BACH2: variants seen among roughly 807,000 people sequenced by gnomAD.
The protein encoded by BACH2 is transcription regulator protein BACH2.
Under a neutral mutation model 61.8 loss-of-function variants are expected in BACH2, and 5 were observed. The ratio of observed to expected loss-of-function variants is 0.08; its 90% CI spans 0.04 to 0.17. The LOEUF (loss-of-function observed/expected upper bound fraction) is 0.17. Among genes scored for constraint, BACH2 ranks in the 10% least tolerant of loss-of-function variants. BACH2 has a pLI of 1.00. For synonymous variants in BACH2, 446 were observed against 440.1 expected (o/e 1.01, Z -0.17); for missense variants, 824 against 1,091.1 (o/e 0.76, Z 3.45).
chr6:90,104,278 G>C (rs1782802495), intron 4 of BACH2: 1 of 152,282 alleles, frequency 6.6e-6, no homozygotes, highest in South Asian at 2.1e-4. Context: ...CAGGAACAAA[G>C]CTTGAAGGAG....
At chr6:90,229,319 G>C (rs912690191) in intron 3 of BACH2, among the ~76,000 whole-genome samples, 3 of 152,146 alleles carry the variant, frequency 2.0e-5, no homozygotes, top group African/African-American at 7.2e-5. Context: ...AATTAGCCGG[G>C]TGCAGTGGCC....
intron 7 of BACH2, among the ~76,000 whole-genome samples, chr6:89,941,895 A>G (rs1391582556): frequency 6.6e-6 from 1 of 152,228 alleles, no homozygotes; most frequent in Non-Finnish European, 1.5e-5. Context: ...AGTGAATATA[A>G]AACACTAGGG....
chr6:89,974,537 C>T (rs1158995941), intron 6 of BACH2, among the ~76,000 whole-genome samples: 1 of 152,138 alleles, frequency 6.6e-6, no homozygotes, highest in Non-Finnish European at 1.5e-5. Context: ...GAAAAAACGC[C>T]CTGATGTCCT....
intron 1 of BACH2, among the ~76,000 whole-genome samples, chr6:90,289,657 CA>C (rs1012976592): frequency 1.3e-5 from 2 of 151,760 alleles, no homozygotes; most frequent in Non-Finnish European, 2.9e-5. Context: ...AGAAAAATAG[CA>C]AAAAACAAAA....
At chr6:90,253,879 A>G (rs140851685) in intron 2 of BACH2, among the ~76,000 whole-genome samples, 2 of 148,968 alleles carry the variant, frequency 1.3e-5, no homozygotes, top group African/African-American at 4.8e-5. Flanking sequence ...ATAAATGAAA[A>G]CATCATTGCC....
Position 89,950,135 on chromosome 6 carries a change from G to A in BACH2, c.1836+135C>T. ...CTTCAGCATCCTGCCTCTGTGGATG[G>A]GGAAGGCAGTCTCTCTACTGTCATC... is the stretch of plus-strand genomic sequence containing the variant. On this transcript the variant is annotated intron_variant, in intron 7 of 8. Coordinates refer to ENST00000257749, the MANE Select transcript of BACH2 (RefSeq NM_021813.4). This position sits in a 1 kb window ranked among gnomAD's most constrained non-coding sequence, Gnocchi z 5.3. 9.8e-7 allele frequency: 1 copy of A among 1,019,394 alleles called. No homozygotes were observed. The highest frequency in any genetic ancestry group is 1.5e-6 in the Non-Finnish European group (1 of 659,212). The allele number at this position is 1,019,394 out of a possible 1,614,324, so 63.1% of individuals were successfully genotyped here.
chr6:89,950,689 A>G lies in BACH2; in HGVS notation c.1417T>C (p.Ser473Pro). 1.9e-6 allele frequency: 3 copies of G among 1,614,008 alleles called. No homozygotes were observed. Among genetic ancestry groups the G allele is most frequent in the South Asian group, 1.1e-5 (1 of 91,068 alleles). Residue 473 changes from serine to proline, a missense_variant, in exon 7 of 9, where the codon TCC (serine) becomes CCC (proline). Ser to Pro is a moderately conservative substitution (Grantham distance 74). Transcript: ENST00000257749. The surrounding 1 kb of genome is among the most constrained non-coding windows in gnomAD (Gnocchi z 5.3). Reference sequence around the variant, plus strand: ...GAGTAGGCCTGCGAGCTGGGGAGGGACTGGCCGGCTCCCACCCACAGACCC... The same window carrying G: ...GAGTAGGCCTGCGAGCTGGGGAGGGGCTGGCCGGCTCCCACCCACAGACCC... ...PKGLWVGAGQSLPSSQAYSHG... is the reference protein window; with the variant it reads ...PKGLWVGAGQPLPSSQAYSHG...
chr6:90,104,913 A>AAGG (rs557801640), intron 4 of BACH2, among the ~76,000 whole-genome samples: 353 of 152,308 alleles, frequency 2.3e-3, no homozygotes, highest in Non-Finnish European at 3.4e-3. Context: ...TTGGAACTCT[A>AAGG]AGGAGACCGA....
chr6:90,041,463 T>G (rs1779528636), intron 5 of BACH2, among the ~76,000 whole-genome samples: 1 of 151,990 alleles, frequency 6.6e-6, no homozygotes, highest in Non-Finnish European at 1.5e-5. Flanking sequence ...ATAAATTATA[T>G]TAAAAGATTT....
chr6:90,056,298 C>CA (rs1413080026), intron 5 of BACH2, among the ~76,000 whole-genome samples: 4 of 150,936 alleles, frequency 2.7e-5, no homozygotes, highest in African/African-American at 7.4e-5. Context: ...AAATGGAAAA[C>CA]AAAAAAAGGC....
chr6:90,155,607 CAA>C (rs113406640), intron 4 of BACH2, among the ~76,000 whole-genome samples: 268 of 152,222 alleles, frequency 1.8e-3, no homozygotes, highest in African/African-American at 5.9e-3. Flanking sequence ...ACAACAATAA[CAA>C]AAGACTAGAA....
chr6:90,255,444 A>G (rs1156742271), intron 2 of BACH2, among the ~76,000 whole-genome samples: 1 of 152,178 alleles, frequency 6.6e-6, no homozygotes, highest in Non-Finnish European at 1.5e-5. Flanking sequence ...TGAAACTGAG[A>G]CCCAAAGAGT....
At chr6:90,186,471 T>G (rs1008270540) in intron 4 of BACH2, among the ~76,000 whole-genome samples, 1 of 152,136 alleles carries the variant, frequency 6.6e-6, no homozygotes. Flanking sequence ...GTTTTTTTAG[T>G]ACGGTGGCTG....
intron 5 of BACH2, among the ~76,000 whole-genome samples, chr6:90,086,498 G>A (rs1781938250): frequency 6.6e-6 from 1 of 152,134 alleles, no homozygotes; most frequent in Admixed American, 6.6e-5. Context: ...AGAAAGTACA[G>A]AAGTTTCCCA....
intron 5 of BACH2, among the ~76,000 whole-genome samples, chr6:90,035,601 A>G (rs12662903): frequency 0.31 from 47,465 of 151,770 alleles, 7,990 homozygotes; most frequent in East Asian, 0.68. Context: ...AGTTCCTTGC[A>G]GAGTCTTTTG....
intron 4 of BACH2, among the ~76,000 whole-genome samples, chr6:90,123,496 C>T (rs531973651): frequency 4.0e-4 from 61 of 150,660 alleles, no homozygotes; most frequent in Middle Eastern, 3.8e-3. Flanking sequence ...GGGGGCCGGG[C>T]GCGGTGGCTC....
In BACH2 at chr6:89,945,820, C is replaced by G. The variant is rs77987406; in HGVS notation, c.1836+4450G>C. ...CCCTACACTCCTCTCCAACGGTGCT[C>G]CCAGTTTTTTCTTATTCTCTATGCT... On this transcript the variant is annotated intron_variant, in intron 7 of 8. Coordinates refer to ENST00000257749, the MANE Select transcript of BACH2 (RefSeq NM_021813.4). Among the ~76,000 whole-genome samples the G allele has an allele frequency of 1.7e-3, 254 of 152,312 alleles. 1 individual carries two copies. Among genetic ancestry groups the G allele is most frequent in the African/African-American group, 5.9e-3 (247 of 41,566 alleles).
At chr6:89,977,554 G>GT (rs528348155) in intron 6 of BACH2, among the ~76,000 whole-genome samples, 353 of 152,312 alleles carry the variant, frequency 2.3e-3, no homozygotes, top group African/African-American at 8.2e-3. Context: ...TAAAAACGGT[G>GT]TAAGAACCAC....
At chr6:90,041,456 A>C (rs1779528372) in intron 5 of BACH2, among the ~76,000 whole-genome samples, 1 of 151,990 alleles carries the variant, frequency 6.6e-6, no homozygotes, top group South Asian at 2.1e-4. Flanking sequence ...TAATATGATA[A>C]ATTATATTAA....
Sources: allele counts gnomAD v4.1 joint callset (sites outside exome capture counted in the v4.1 genomes callset), GRCh38; gene constraint gnomAD v4.1.1; non-coding constraint Gnocchi (gnomAD v3.1); transcripts MANE v1.5; gene names NCBI Gene and HGNC (gene_info 2026-07-23, HGNC 2026-07-21).